Variants in MGAT5 observed in about 807,000 individuals in gnomAD.
The protein encoded by MGAT5 is alpha-1,6-mannosylglycoprotein 6-beta-N-acetylglucosaminyltransferase A.
A neutral mutation model predicts 94.3 loss-of-function variants in MGAT5; 30 were observed. That is an observed-to-expected ratio of 0.32 (90% CI 0.24 to 0.43). The LOEUF (loss-of-function observed/expected upper bound fraction) is 0.43. Ranked by LOEUF, MGAT5 falls within the 20% of genes least tolerant of loss-of-function variation. The pLI is 1.00. For synonymous variants in MGAT5, 310 were observed against 322.9 expected, an observed-to-expected ratio of 0.96 and a Z score of 0.43; for missense variants, 691 against 905.5, an observed-to-expected ratio of 0.76 and a Z score of 3.04.
chr2:134,350,616 A>G (rs1459969962), intron 9 of MGAT5, among the ~76,000 whole-genome samples: 2 of 152,116 alleles, frequency 1.3e-5, no homozygotes, highest in Non-Finnish European at 2.9e-5. Context: ...TTATTTTCCC[A>G]CTTTTACCAT....
intron 1 of MGAT5, among the ~76,000 whole-genome samples, chr2:134,174,860 A>G (rs979676546): frequency 2.0e-5 from 3 of 152,222 alleles, no homozygotes; most frequent in African/African-American, 7.2e-5. Context: ...CAAGATTGTT[A>G]GCTGAGGAAT....
At chr2:134,381,536 C>CAGGT (rs1681624469) in intron 10 of MGAT5, among the ~76,000 whole-genome samples, 2 of 146,844 alleles carry the variant, frequency 1.4e-5, no homozygotes, top group African/African-American at 5.0e-5. Context: ...GACAGACAGA[C>CAGGT]AGATAGATAG....
chr2:134,328,994 A>G (rs1687797897), intron 4 of MGAT5, among the ~76,000 whole-genome samples: 2 of 152,092 alleles, frequency 1.3e-5, no homozygotes, highest in South Asian at 2.1e-4. Context: ...CATTACAGCC[A>G]ATGAAGTTTG....
chr2:134,337,384 A>C (rs979646023), intron 5 of MGAT5, among the ~76,000 whole-genome samples: 4 of 152,158 alleles, frequency 2.6e-5, no homozygotes, highest in Non-Finnish European at 5.9e-5. Flanking sequence ...CTGAGGTGAC[A>C]AGAGGATCGC....
chr2:134,398,618 T>G (rs1370988506), intron 10 of MGAT5, among the ~76,000 whole-genome samples: 3 of 152,210 alleles, frequency 2.0e-5, no homozygotes, highest in African/African-American at 7.2e-5. Context: ...ATCAAAGAGA[T>G]ATCCGCATCC....
intron 1 of MGAT5, among the ~76,000 whole-genome samples, chr2:134,196,532 T>C (rs1432094262): frequency 6.6e-6 from 1 of 152,250 alleles, no homozygotes; most frequent in Non-Finnish European, 1.5e-5. Flanking sequence ...ACAGCCCAGA[T>C]TTGTTAATGA....
rs1350453588 is a variant in MGAT5, at chr2:134,145,212, C to CTGTGTGTGTG, written c.-143+24922_-143+24923insGTGTGTGTGT. Among the ~76,000 whole-genome samples the CTGTGTGTGTG allele has an allele frequency of 7.4e-3, 838 of 113,750 alleles. 7 individuals carry two copies. Among genetic ancestry groups the CTGTGTGTGTG allele is most frequent in the African/African-American group, 0.028 (733 of 25,936 alleles). 74.6% of individuals were successfully genotyped at this position (113,750 alleles called of 152,430 possible). ...AAGTAAGGTGTGTGTGTGTCTCTCT[C>CTGTGTGTGTG]TCTGTGTGTGTGTGTGTGTGTGTGT... On this transcript the variant is annotated intron_variant, in intron 1 of 16. Transcript: ENST00000409645.
intron 11 of MGAT5, 46 bp from the exon 12 acceptor site, chr2:134,412,823 G>A (rs369119595): frequency 2.4e-5 from 39 of 1,604,118 alleles, no homozygotes; most frequent in Non-Finnish European, 3.2e-5. Flanking sequence ...CTGCCTGATG[G>A]TCCTGCCTGA....
intron 1 of MGAT5, among the ~76,000 whole-genome samples, chr2:134,156,127 A>G (rs1048765418): frequency 2.6e-5 from 4 of 152,146 alleles, no homozygotes; most frequent in African/African-American, 4.8e-5. Flanking sequence ...TAACTGTGAG[A>G]TGAATGAATG....
In MGAT5 at chr2:134,282,613, C is replaced by G. The variant is rs114834944; in HGVS notation, c.406+12063C>G. Among the ~76,000 whole-genome samples, 1,269 of 152,286 alleles carry G rather than the reference C, an allele frequency of 8.3e-3. 17 individuals carry two copies. The highest frequency in any genetic ancestry group is 0.029 in the African/African-American group (1,211 of 41,562). On this transcript the variant is annotated intron_variant, in intron 2 of 15. Coordinates refer to ENST00000281923, the MANE Select transcript of MGAT5 (RefSeq NM_002410.5). ...GTGCCTGTTCTGTGCCAGGCACTGT[C>G]TAGGCACTGGAGATAGTGATGAGCA...
upstream of MGAT5, among the ~76,000 whole-genome samples, chr2:134,254,049 C>T (rs987950140): frequency 2.0e-5 from 3 of 152,212 alleles, no homozygotes; most frequent in South Asian, 2.1e-4. Flanking sequence ...TGTTAACACA[C>T]GCAGACGCAC....
intron 10 of MGAT5, among the ~76,000 whole-genome samples, chr2:134,401,071 C>T (rs556650103): frequency 8.6e-5 from 13 of 150,870 alleles, no homozygotes; most frequent in African/African-American, 2.7e-4. Flanking sequence ...CTTCCTTCTC[C>T]TTATTCTTCT....
In MGAT5 at chr2:134,362,369, C is replaced by A; in HGVS notation, c.1341C>A (p.Asn447Lys). The A allele has an allele frequency of 1.2e-6, 2 of 1,614,138 alleles. No homozygotes were observed. The highest frequency in any genetic ancestry group is 1.7e-6 in the Non-Finnish European group (2 of 1,180,002). The change falls in exon 10 of 16, where the codon AAC (asparagine) becomes AAA (lysine). Residue 447 changes from asparagine (N) to lysine (K), a missense_variant. Coordinates refer to ENST00000281923, the MANE Select transcript of MGAT5 (RefSeq NM_002410.5). ...IHHINEIKRQ[N>K]QSLVYGKVDS... Reference sequence around the variant, plus strand: ...ACATTAATGAAATCAAAAGGCAGAACCAGTCCCTTGTGTATGGCAAAGTGG... The same window carrying A: ...ACATTAATGAAATCAAAAGGCAGAAACAGTCCCTTGTGTATGGCAAAGTGG...
intron 3 of MGAT5, among the ~76,000 whole-genome samples, 181 bp downstream of exon 3, chr2:134,317,786 G>T (rs1196800107): frequency 1.3e-5 from 2 of 152,140 alleles, no homozygotes. Context: ...GCCTATGTCA[G>T]CCATGTGGGG....
At chr2:134,207,713 A>G (rs1305717696) in intron 1 of MGAT5, among the ~76,000 whole-genome samples, 1 of 152,150 alleles carries the variant, frequency 6.6e-6, no homozygotes, top group Non-Finnish European at 1.5e-5. Flanking sequence ...GGTCTTGTGC[A>G]GAGGTGTTAT....
intron 1 of MGAT5, among the ~76,000 whole-genome samples, chr2:134,166,997 T>G (rs1274908281): frequency 6.6e-6 from 1 of 152,258 alleles, no homozygotes; most frequent in Non-Finnish European, 1.5e-5. Flanking sequence ...TCCTGGGTTC[T>G]GTGTTTCCTT....
chr2:134,421,912 A>G (rs551629352), intron 12 of MGAT5, among the ~76,000 whole-genome samples: 2 of 152,218 alleles, frequency 1.3e-5, no homozygotes, highest in African/African-American at 4.8e-5. Flanking sequence ...TTGTGCCTGT[A>G]ATCCCGGCAG....
intron 1 of MGAT5, among the ~76,000 whole-genome samples, chr2:134,183,682 A>G (rs1688860006): frequency 6.6e-6 from 1 of 152,204 alleles, no homozygotes; most frequent in African/African-American, 2.4e-5. Flanking sequence ...TGTAATGTGG[A>G]ACTGTTAAAT....
chr2:134,250,266 G>T (rs1027738765), upstream of MGAT5, among the ~76,000 whole-genome samples: 2 of 152,204 alleles, frequency 1.3e-5, no homozygotes, highest in African/African-American at 4.8e-5. Context: ...TCACGGCCAT[G>T]AGCTGACATT....
Sources: allele counts gnomAD v4.1 joint callset (sites outside exome capture counted in the v4.1 genomes callset), GRCh38; gene constraint gnomAD v4.1.1; transcripts MANE v1.5; gene names NCBI Gene and HGNC (gene_info 2026-07-23, HGNC 2026-07-21).